Variants in CLMN observed in about 807,000 individuals in gnomAD.
CLMN encodes calmin, also known as calmin (calponin-like, transmembrane).
CLMN carries 57 observed loss-of-function variants against 92.7 expected under a neutral mutation model. The ratio of observed to expected loss-of-function variants is 0.61; its 90% CI spans 0.50 to 0.77. The LOEUF (loss-of-function observed/expected upper bound fraction) is 0.77. Among genes scored for constraint, CLMN ranks in the 30% least tolerant of loss-of-function variants. CLMN has a pLI of 0.00. For missense variants in CLMN, 1,158 were observed against 1,237.5 expected (o/e 0.94, Z 0.96); for synonymous variants, 466 against 470.6 (o/e 0.99, Z 0.13).
intron 1 of CLMN, among the ~76,000 whole-genome samples, chr14:95,248,342 A>G (rs1238044754): frequency 6.6e-6 from 1 of 152,244 alleles, no homozygotes; most frequent in Non-Finnish European, 1.5e-5. Context: ...TGAATGTTAA[A>G]AACAGCAACA....
chr14:95,231,632 A>G (rs1897893010), intron 1 of CLMN, among the ~76,000 whole-genome samples: 1 of 152,148 alleles, frequency 6.6e-6, no homozygotes. Context: ...GCAAAGTACA[A>G]ACTATTATTT....
rs1555390026 is a variant in CLMN at position 95,242,574 on chromosome 14, CT to C, written c.83-12442del. 1.3e-4 allele frequency among the ~76,000 whole-genome samples: 16 copies of C among 119,900 alleles called. No homozygotes were observed. In the South Asian group the frequency reaches 2.2e-3, roughly 17 times the overall value. 78.7% of individuals were successfully genotyped at this position (119,900 alleles called of 152,430 possible). On this transcript the variant is annotated intron_variant, in intron 1 of 12. Coordinates refer to ENST00000298912, the MANE Select transcript of CLMN (RefSeq NM_024734.4). ...CATGCCCAGCCTGGCATCTCTTTTTCTTTTTTTTTGAGACGGAGTCTCGCTC... is the reference window on the plus strand; with the variant it reads ...CATGCCCAGCCTGGCATCTCTTTTTCTTTTTTTTGAGACGGAGTCTCGCTC...
intron 8 of CLMN, among the ~76,000 whole-genome samples, chr14:95,204,705 TAAA>T (rs1402714589): frequency 6.6e-6 from 1 of 152,148 alleles, no homozygotes; most frequent in Non-Finnish European, 1.5e-5. Context: ...AATAAAAATA[TAAA>T]ATACCATGTT....
chr14:95,228,051 G>A (rs149668100), intron 2 of CLMN, among the ~76,000 whole-genome samples: 1 of 152,148 alleles, frequency 6.6e-6, no homozygotes. Context: ...ATTTGACCAG[G>A]GAGAAAATCC....
At chr14:95,280,235 A>G (rs1042119419) in intron 1 of CLMN, among the ~76,000 whole-genome samples, 2 of 152,238 alleles carry the variant, frequency 1.3e-5, no homozygotes, top group African/African-American at 4.8e-5. Context: ...AACAGTTTTG[A>G]AAATATTACC....
intron 1 of CLMN, among the ~76,000 whole-genome samples, chr14:95,257,237 C>CG (rs1348429206): frequency 6.6e-6 from 1 of 152,226 alleles, no homozygotes; most frequent in Admixed American, 6.5e-5. Flanking sequence ...ATCGAAACAA[C>CG]GGTCGAGAGC....
chr14:95,303,201 T>G (rs1358413722), intron 1 of CLMN, among the ~76,000 whole-genome samples: 1 of 152,164 alleles, frequency 6.6e-6, no homozygotes. Context: ...GCTTTGGGCT[T>G]GAGGAGGTTT....
intron 1 of CLMN, among the ~76,000 whole-genome samples, chr14:95,287,284 C>T (rs1360678329): frequency 6.6e-6 from 1 of 152,210 alleles, no homozygotes; most frequent in African/African-American, 2.4e-5. Context: ...GGGAACTGTC[C>T]CCGTCACTTT....
At chr14:95,304,637 A>C (rs1356522803) in intron 1 of CLMN, among the ~76,000 whole-genome samples, 1 of 151,796 alleles carries the variant, frequency 6.6e-6, no homozygotes, top group African/African-American at 2.4e-5. Context: ...CTCAATGCAA[A>C]TTGTACTGTA....
At chr14:95,201,254 T>C (rs113006063) in intron 9 of CLMN, among the ~76,000 whole-genome samples, 3,127 of 151,948 alleles carry the variant, frequency 0.021, 92 homozygotes, top group African/African-American at 0.063. Flanking sequence ...TGTAGGTATA[T>C]TGCATGATGC....
intron 3 of CLMN, among the ~76,000 whole-genome samples, chr14:95,222,784 T>C (rs945457): frequency 0.063 from 9,607 of 152,280 alleles, 425 homozygotes; most frequent in South Asian, 0.15. Context: ...TCTTGTGTTT[T>C]GCCATTGGGA....
In CLMN at chr14:95,245,233, A is replaced by ATATATATTATATATG. The variant is rs1566891185; in HGVS notation, c.83-15101_83-15100insCATATATAATATATA. ...TTATATATATATATATATTATATAT[A>ATATATATTATATATG]TATATTATATATATATATATAATAT... On this transcript the variant is annotated intron_variant, in intron 1 of 12. Coordinates refer to ENST00000298912, the MANE Select transcript of CLMN (RefSeq NM_024734.4). Among the ~76,000 whole-genome samples the ATATATATTATATATG allele has an allele frequency of 2.0e-3, 72 of 35,672 alleles. 1 individual carries two copies. Among genetic ancestry groups the ATATATATTATATATG allele is most frequent in the Non-Finnish European group, 2.8e-3 (64 of 23,202 alleles). The allele number at this position is 35,672 out of a possible 152,430, so 23.4% of individuals were successfully genotyped here.
intron 1 of CLMN, among the ~76,000 whole-genome samples, chr14:95,269,152 AAAT>A (rs537782021): frequency 2.4e-4 from 36 of 152,270 alleles, no homozygotes; most frequent in African/African-American, 8.4e-4. Context: ...GAAAGGTTAA[AAAT>A]AATAAAAACT....
At chr14:95,213,177 C>T in intron 6 of CLMN, 42 bp downstream of exon 6, 1 of 1,586,874 alleles carries the variant, frequency 6.3e-7, no homozygotes, top group Non-Finnish European at 8.6e-7. Flanking sequence ...CTGAAAGCAG[C>T]TAGTTAAATG....
At position 95,294,662 on chromosome 14, in the gene CLMN, T is replaced by C. The variant is rs1386458371; in HGVS notation, c.82+25049A>G. ...GATAAATCCCTGTGCTAGTCTCCTT[T>C]GCACACCCCTCCTCCTACTTCATCT... On this transcript the variant is annotated intron_variant, in intron 1 of 12. Coordinates refer to ENST00000298912, the MANE Select transcript of CLMN (RefSeq NM_024734.4). The surrounding 1 kb of genome is among the most constrained non-coding windows in gnomAD (Gnocchi z 4.2). Among the ~76,000 whole-genome samples, 1 of 152,186 alleles carries C rather than the reference T, an allele frequency of 6.6e-6. No homozygotes were observed. The highest frequency in any genetic ancestry group is 2.4e-5 in the African/African-American group (1 of 41,448).
intron 1 of CLMN, among the ~76,000 whole-genome samples, chr14:95,258,106 A>G (rs1218252357): frequency 6.6e-6 from 1 of 151,088 alleles, no homozygotes; most frequent in Non-Finnish European, 1.5e-5. Context: ...ATGTGTATTC[A>G]GCACATGTGC....
intron 1 of CLMN, among the ~76,000 whole-genome samples, chr14:95,311,439 G>T (rs1901534783): frequency 6.6e-6 from 1 of 152,126 alleles, no homozygotes; most frequent in South Asian, 2.1e-4. Context: ...CTGCAGTTCT[G>T]CAGGAGCTGA....
At position 95,203,570 on chromosome 14, in the gene CLMN, C is replaced by A. The variant is rs766249552; in HGVS notation, c.1779G>T (p.Glu593Asp). ...CATGATTCTCAAAAGCCTCAGCATC[C>A]TCGTCAGGTTTTGTCTCATGAGGTG... is the stretch of plus-strand genomic sequence containing the variant. ...VPSPHETKPD[E>D]DAEAFENHAE... The change falls in exon 9 of 13, where the codon GAG becomes GAT. Residue 593 changes from glutamate to aspartate, a missense_variant. Physicochemically the swap from Glu to Asp is conservative, Grantham distance 45 (BLOSUM62 2). Coordinates refer to ENST00000298912, the MANE Select transcript of CLMN (RefSeq NM_024734.4). 2 of 1,614,172 alleles carry A rather than the reference C, an allele frequency of 1.2e-6. No homozygotes were observed. The highest frequency in any genetic ancestry group is 1.7e-5 in the Admixed American group (1 of 60,024).
intron 7 of CLMN, among the ~76,000 whole-genome samples, chr14:95,210,327 T>C (rs997747393): frequency 6.6e-6 from 1 of 151,846 alleles, no homozygotes; most frequent in Non-Finnish European, 1.5e-5. Flanking sequence ...GCTGGGATTA[T>C]AGGCGTGAGC....
Sources: allele counts gnomAD v4.1 joint callset (sites outside exome capture counted in the v4.1 genomes callset), GRCh38; gene constraint gnomAD v4.1.1; non-coding constraint Gnocchi (gnomAD v3.1); transcripts MANE v1.5; gene names NCBI Gene and HGNC (gene_info 2026-07-23, HGNC 2026-07-21).